CCDC88C: variants seen among roughly 807,000 people sequenced by gnomAD.
CCDC88C encodes the protein protein Daple.
In CCDC88C, 131 loss-of-function variants were observed where a neutral mutation model predicts 198.8. That is an observed-to-expected ratio of 0.66 (90% CI 0.57 to 0.76). The LOEUF (loss-of-function observed/expected upper bound fraction) is 0.76. CCDC88C is among the 30% of genes least tolerant of loss of function. CCDC88C has a pLI of 0.00. For synonymous variants in CCDC88C, 1,166 were observed against 1,114.7 expected, an observed-to-expected ratio of 1.05 and a Z score of -0.92; for missense variants, 2,553 against 2,631.6, an observed-to-expected ratio of 0.97 and a Z score of 0.65.
chr14:91,346,809 G>A (rs1265602555), intron 4 of CCDC88C, among the ~76,000 whole-genome samples: 1 of 152,184 alleles, frequency 6.6e-6, no homozygotes, highest in Non-Finnish European at 1.5e-5. Flanking sequence ...TGAGGCAGGA[G>A]AATCACTTGA....
intron 3 of CCDC88C, among the ~76,000 whole-genome samples, chr14:91,395,831 G>A (rs1361117765): frequency 1.3e-5 from 2 of 151,936 alleles, no homozygotes; most frequent in African/African-American, 2.4e-5. Flanking sequence ...TAGCCTCCCC[G>A]AAACCCAATC....
chr14:91,328,019 C>G (rs1259549600), intron 10 of CCDC88C, among the ~76,000 whole-genome samples: 1 of 152,224 alleles, frequency 6.6e-6, no homozygotes. Flanking sequence ...GTTCCTCCCC[C>G]AGACCAGGAA....
intron 13 of CCDC88C, among the ~76,000 whole-genome samples, chr14:91,317,843 T>C (rs7142404): frequency 0.018 from 2,793 of 151,972 alleles, 96 homozygotes; most frequent in African/African-American, 0.064. Context: ...TTGTGGTGGG[T>C]GGGCGACGCC....
intron 22 of CCDC88C, among the ~76,000 whole-genome samples, chr14:91,295,743 G>A (rs182374714): frequency 3.3e-5 from 5 of 152,130 alleles, no homozygotes; most frequent in African/African-American, 9.7e-5. Flanking sequence ...ATGCTGCTTC[G>A]CTTCTGCCAC....
rs201931182 is a variant in CCDC88C, at chr14:91,273,416, C to T, written c.5296G>A (p.Val1766Met). 1,269 of 1,560,178 alleles carry T rather than the reference C, an allele frequency of 8.1e-4. 1 individual carries two copies. The highest frequency in any genetic ancestry group is 2.5e-3 in the African/African-American group (182 of 73,218). The change falls in exon 30 of 30, where the codon GTG becomes ATG. Residue 1766 changes from valine (V) to methionine (M), a missense_variant. Val to Met is a conservative substitution (Grantham distance 21). Coordinates refer to ENST00000389857, the MANE Select transcript of CCDC88C (RefSeq NM_001080414.4). This position sits in a 1 kb window ranked among gnomAD's most constrained non-coding sequence, Gnocchi z 5.6. ...RLTEAEAPPS[V>M]APRQAQPPQS... ...GGAGGCTGGGCCTGTCTCGGGGCCA[C>T]GCTGGGTGGGGCCTCGGCCTCAGTC...
In CCDC88C at chr14:91,303,900, T is replaced by C. The variant is rs1213275461; in HGVS notation, c.3436A>G (p.Lys1146Glu). The change falls in exon 20 of 30, where the codon AAG (lysine) becomes GAG (glutamate). Residue 1146 changes from lysine to glutamate, a missense_variant. Physicochemically the swap from Lys to Glu is moderately conservative, Grantham distance 56. Coordinates refer to ENST00000389857, the MANE Select transcript of CCDC88C (RefSeq NM_001080414.4). ...TGCAGGCTTTCGTTCTCCGTCTCCTTGGCCGTGTGGTGGTTCTGCAGCAGC... is the reference window on the plus strand; with the variant it reads ...TGCAGGCTTTCGTTCTCCGTCTCCTCGGCCGTGTGGTGGTTCTGCAGCAGC... ...YTLLQNHHTA[K>E]ETENESLQRQ... The C allele has an allele frequency of 6.2e-7, 1 of 1,612,772 alleles. No individual in the cohort carries two copies. Among genetic ancestry groups the C allele is most frequent in the Non-Finnish European group, 8.5e-7 (1 of 1,179,874 alleles).
At chr14:91,316,854 C>T (rs1892121648) in intron 13 of CCDC88C, among the ~76,000 whole-genome samples, 1 of 152,244 alleles carries the variant, frequency 6.6e-6, no homozygotes, top group Non-Finnish European at 1.5e-5. Flanking sequence ...AAGACCTGTG[C>T]ACCTGATGAA....
chr14:91,279,140 T>G (rs1795897397), intron 28 of CCDC88C, 98 bp downstream of exon 28: 1 of 949,520 alleles, frequency 1.1e-6, no homozygotes, highest in Non-Finnish European at 1.6e-6. Context: ...GCTCAAGCGA[T>G]CCACCTGCTT....
Position 91,272,796 on chromosome 14 carries a change from G to T in CCDC88C, c.5916C>A (p.Gly1972=), listed in dbSNP as rs370566105. 3.2e-5 allele frequency: 51 copies of T among 1,601,632 alleles called. No homozygotes were observed. Among genetic ancestry groups the T allele is most frequent in the Non-Finnish European group, 4.1e-5 (48 of 1,174,950 alleles). ...TCTTGGCCGGAAGCCCCTCACTGCA[G>T]CCCTGCCCCGGGACCCCGTCTCCCT... ...LSEGDGVPGQ[G]CSEGLPAKSP... is the part of the protein sequence containing the mutation. The change falls in exon 30 of 30, where the codon GGC becomes GGA. Residue 1972 remains glycine (G), a synonymous_variant. Coordinates refer to ENST00000389857, the MANE Select transcript of CCDC88C (RefSeq NM_001080414.4).
At chr14:91,308,807 C>G (rs1476046546) in intron 16 of CCDC88C, among the ~76,000 whole-genome samples, 1 of 152,272 alleles carries the variant, frequency 6.6e-6, no homozygotes, top group East Asian at 1.9e-4. Context: ...GCAATTTGCC[C>G]AAGGTCACAG....
chr14:91,363,968 C>CA (rs1894421355), intron 3 of CCDC88C, among the ~76,000 whole-genome samples: 1 of 152,272 alleles, frequency 6.6e-6, no homozygotes, highest in African/African-American at 2.4e-5. Flanking sequence ...CACCTGGTCA[C>CA]ACCCCAGCCA....
chr14:91,322,194 C>T (rs192748571), intron 12 of CCDC88C, among the ~76,000 whole-genome samples: 43 of 152,306 alleles, frequency 2.8e-4, no homozygotes, highest in Middle Eastern at 3.4e-3. Context: ...ACAGCGATTC[C>T]TCCCCCTACC....
chr14:91,375,295 GAGAGA>G (rs1884334394), intron 3 of CCDC88C, among the ~76,000 whole-genome samples: 1 of 152,186 alleles, frequency 6.6e-6, no homozygotes, highest in African/African-American at 2.4e-5. Flanking sequence ...GTGGGAGAGA[GAGAGA>G]CAGGCTGTGT....
intron 3 of CCDC88C, among the ~76,000 whole-genome samples, chr14:91,365,866 G>A (rs1596117388): frequency 6.6e-6 from 1 of 152,070 alleles, no homozygotes. Flanking sequence ...AGGACGCTAT[G>A]GCCACTCATC....
intron 4 of CCDC88C, among the ~76,000 whole-genome samples, chr14:91,345,520 A>G (rs897220170): frequency 6.6e-6 from 1 of 152,264 alleles, no homozygotes; most frequent in Non-Finnish European, 1.5e-5. Context: ...ACAATGTTAT[A>G]AAGAATATCA....
Position 91,273,447 on chromosome 14 carries a change from G to A in CCDC88C, c.5265C>T (p.Phe1755=), listed in dbSNP as rs1370881472. The A allele has an allele frequency of 3.8e-6, 6 of 1,588,658 alleles. No homozygotes were observed. In the South Asian group the frequency reaches 5.7e-5, roughly 15 times the overall value. The change falls in exon 30 of 30, where the codon TTC becomes TTT. Residue 1755 remains phenylalanine, a synonymous_variant. Transcript: ENST00000389857. The surrounding 1 kb of genome is among the most constrained non-coding windows in gnomAD (Gnocchi z 5.6). The part of the protein sequence containing the change: ...LKPGQYVKPN[F]RLTEAEAPPS... ...GTGGGGCCTCGGCCTCAGTCAGTCT[G>A]AAGTTTGGCTTTACGTACTGCCCGG...
In CCDC88C at chr14:91,288,963, G is replaced by A; in HGVS notation, c.4441+142C>T. 4.6e-6 allele frequency: 3 copies of A among 645,518 alleles called. No homozygotes were observed. Among genetic ancestry groups the A allele is most frequent in the Non-Finnish European group, 8.3e-6 (3 of 363,204 alleles). The allele number at this position is 645,518 out of a possible 1,614,324, so 40.0% of individuals were successfully genotyped here. ...GGTCGCCACGCTGAATTTCTACTTG[G>A]CTCGTAACACATCTAAGCGAAGGCG... On this transcript the variant is annotated intron_variant, in intron 25 of 29. Transcript: ENST00000389857. The surrounding 1 kb of genome is among the most constrained non-coding windows in gnomAD (Gnocchi z 4.2).
rs556277268 is a variant in CCDC88C, at chr14:91,401,392, C to T, written c.270+7267G>A. Among the ~76,000 whole-genome samples, 635 of 146,872 alleles carry T rather than the reference C, an allele frequency of 4.3e-3. 3 individuals carry two copies. The highest frequency in any genetic ancestry group is 6.3e-3 in the Non-Finnish European group (422 of 66,646). On this transcript the variant is annotated intron_variant, in intron 3 of 29. Coordinates refer to ENST00000389857, the MANE Select transcript of CCDC88C (RefSeq NM_001080414.4). The stretch of plus-strand genomic sequence containing the variant: ...CTCTGTCGCGCAGGCTGGAGTGTAG[C>T]GGCACGATCTTGGCTCACCGCAACC...
Position 91,312,642 on chromosome 14 carries a change from G to A in CCDC88C, c.2736+438C>T, listed in dbSNP as rs868076087. On this transcript the variant is annotated intron_variant, in intron 15 of 29. Coordinates refer to ENST00000389857, the MANE Select transcript of CCDC88C (RefSeq NM_001080414.4). ...AGAGGTTGCAGTGAGCCGAGATCAC[G>A]CAACAACACTCCAGCCTGGACGACA... Among the ~76,000 whole-genome samples the A allele has an allele frequency of 9.9e-5, 15 of 152,000 alleles. No homozygotes were observed. The East Asian group carries it at 1.7e-3, about 18-fold the overall frequency.
Sources: allele counts gnomAD v4.1 joint callset (sites outside exome capture counted in the v4.1 genomes callset), GRCh38; gene constraint gnomAD v4.1.1; non-coding constraint Gnocchi (gnomAD v3.1); transcripts MANE v1.5; gene names NCBI Gene and HGNC (gene_info 2026-07-23, HGNC 2026-07-21).